Variants in RALGAPA2 observed in about 807,000 individuals in gnomAD.
RALGAPA2 encodes the protein ral GTPase-activating protein subunit alpha-2.
In RALGAPA2, 139 loss-of-function variants were observed where a neutral mutation model predicts 230.4. That is an observed-to-expected ratio of 0.60 (90% CI 0.53 to 0.69). The LOEUF is 0.69. RALGAPA2 is among the 30% of genes least tolerant of loss of function. RALGAPA2 has a pLI of 0.00. For missense variants in RALGAPA2, 2,163 were observed against 2,276.0 expected (o/e 0.95, Z 1.01); for synonymous variants, 847 against 837.8 (o/e 1.01, Z -0.19).
At chr20:20,659,576 C>G (rs1229415345) in intron 3 of RALGAPA2, 1 of 231,178 alleles carries the variant, frequency 4.3e-6, no homozygotes, top group East Asian at 1.0e-4. Flanking sequence ...AACACTGTGA[C>G]AGTGAGCTAT....
chr20:20,570,673 G>A (rs1199268392), intron 23 of RALGAPA2, among the ~76,000 whole-genome samples: 1 of 151,890 alleles, frequency 6.6e-6, no homozygotes, highest in Non-Finnish European at 1.5e-5. Flanking sequence ...CTTCCTAATT[G>A]TTCTCCATCT....
chr20:20,605,215 A>G lies in RALGAPA2; in HGVS notation c.1998T>C (p.Asp666=), dbSNP rs759442046. 1.2e-6 allele frequency: 2 copies of G among 1,613,416 alleles called. No homozygotes were observed. The highest frequency in any genetic ancestry group is 1.7e-6 in the Non-Finnish European group (2 of 1,179,588). ...TCTTTTCCTTTTGTTCACTTAATTT[A>G]TCCAGAGGTAGGTTTGTCATCTCAA... ...YGVEMTNLPL[D]KLSEQKEKKQ... is the part of the protein sequence containing the mutation. The change falls in exon 15 of 40, where the codon GAT becomes GAC. Residue 666 remains aspartate, a synonymous_variant. Coordinates refer to ENST00000202677, the MANE Select transcript of RALGAPA2 (RefSeq NM_020343.4).
At chr20:20,503,227 C>A in intron 35 of RALGAPA2, 124 bp downstream of exon 35, 1 of 979,780 alleles carries the variant, frequency 1.0e-6, no homozygotes. Context: ...AAACCTTAAT[C>A]TCAGGGTCGT....
Position 20,511,301 on chromosome 20 carries a change from T to G in RALGAPA2, c.4881A>C (p.Lys1627Asn). The G allele has an allele frequency of 6.4e-7, 1 of 1,563,062 alleles. No homozygotes were observed. The highest frequency in any genetic ancestry group is 2.3e-5 in the East Asian group (1 of 42,848). ...DRRKNFHLLK[K>N]NSKLLRELKN... ...TCAGCTCTCTCAATAATTTTGAATTTTTCTTCAATAGATGAAAATTCTTCC... is the reference window on the plus strand; with the variant it reads ...TCAGCTCTCTCAATAATTTTGAATTGTTCTTCAATAGATGAAAATTCTTCC... The change falls in exon 33 of 40, where the codon AAA becomes AAC. Residue 1627 changes from lysine to asparagine, a missense_variant. Transcript: ENST00000202677.
chr20:20,452,819 C>T (rs778498119), intron 37 of RALGAPA2, among the ~76,000 whole-genome samples: 10 of 152,302 alleles, frequency 6.6e-5, no homozygotes, highest in Middle Eastern at 3.4e-3. Flanking sequence ...CCAACAGATC[C>T]AACATGATTT....
At chr20:20,569,369 A>G (rs962816606) in intron 23 of RALGAPA2, among the ~76,000 whole-genome samples, 2 of 152,194 alleles carry the variant, frequency 1.3e-5, no homozygotes, top group Non-Finnish European at 2.9e-5. Flanking sequence ...AAACTCACAT[A>G]AAAATTCAAG....
chr20:20,702,331 T>C (rs1030385025), intron 1 of RALGAPA2, among the ~76,000 whole-genome samples: 6 of 152,144 alleles, frequency 3.9e-5, no homozygotes, highest in Non-Finnish European at 5.9e-5. Context: ...AAGAGATTTA[T>C]TGGGGTAAAT....
intron 35 of RALGAPA2, among the ~76,000 whole-genome samples, chr20:20,499,050 A>T (rs149565487): frequency 5.3e-5 from 8 of 152,348 alleles, no homozygotes; most frequent in African/African-American, 1.9e-4. Context: ...GAGAGCATGA[A>T]TCACTTTAGA....
intron 27 of RALGAPA2, 112 bp from the exon 28 acceptor site, chr20:20,526,474 T>C (rs1471273132): frequency 2.8e-5 from 19 of 684,330 alleles, no homozygotes; most frequent in Non-Finnish European, 4.5e-5. Context: ...TTTATCTGTT[T>C]TGCCTCAAAT....
chr20:20,544,401 C>T (rs1182656386), intron 24 of RALGAPA2, among the ~76,000 whole-genome samples: 1 of 151,232 alleles, frequency 6.6e-6, no homozygotes, highest in Non-Finnish European at 1.5e-5. Flanking sequence ...AATAGGAATG[C>T]TTTTACACTG....
chr20:20,658,706 G>A (rs1304344351), intron 3 of RALGAPA2, among the ~76,000 whole-genome samples: 1 of 152,210 alleles, frequency 6.6e-6, no homozygotes, highest in Non-Finnish European at 1.5e-5. Context: ...ATTATCCATA[G>A]TTCTTTTTTC....
chr20:20,474,668 C>T (rs1602480059), intron 36 of RALGAPA2, among the ~76,000 whole-genome samples: 1 of 152,134 alleles, frequency 6.6e-6, no homozygotes, highest in African/African-American at 2.4e-5. Flanking sequence ...AGGATGATGC[C>T]ACAGTTTCTG....
chr20:20,691,450 A>G (rs2068902819), intron 1 of RALGAPA2, among the ~76,000 whole-genome samples: 1 of 152,242 alleles, frequency 6.6e-6, no homozygotes, highest in African/African-American at 2.4e-5. Flanking sequence ...TACGGGATAC[A>G]AAGGATTTTT....
In RALGAPA2 at chr20:20,653,195, C is replaced by CAAAAAA. The variant is rs60906434; in HGVS notation, c.328+329_328+334dup. Among the ~76,000 whole-genome samples, 29 of 27,520 alleles carry CAAAAAA rather than the reference C, an allele frequency of 1.1e-3. 1 individual carries two copies. The highest frequency in any genetic ancestry group is 2.6e-3 in the East Asian group (2 of 758). The allele number at this position is 27,520 out of a possible 152,430, so 18.1% of individuals were successfully genotyped here. A position where few individuals can be genotyped will look rare whatever the true frequency, so the allele number is the denominator to read the frequency against. On this transcript the variant is annotated intron_variant, in intron 4 of 39. Transcript: ENST00000202677. The stretch of plus-strand genomic sequence containing the variant: ...TAGGCGACAGAGCAAGACTCCATCT[C>CAAAAAA]AAAAAAAAAAAAAAAAAAAAAAAAA...
intron 37 of RALGAPA2, among the ~76,000 whole-genome samples, chr20:20,423,432 G>A (rs1016188113): frequency 2.6e-5 from 4 of 152,338 alleles, no homozygotes; most frequent in Middle Eastern, 3.4e-3. Flanking sequence ...GATATGGAGG[G>A]AGCGGGAGAC....
chr20:20,565,862 T>C (rs562263996), intron 23 of RALGAPA2, among the ~76,000 whole-genome samples: 1 of 152,236 alleles, frequency 6.6e-6, no homozygotes, highest in African/African-American at 2.4e-5. Context: ...GAGCAGTTAC[T>C]GGCTGAGCCA....
In RALGAPA2 at chr20:20,552,352, C is replaced by A. The variant is rs2063950260; in HGVS notation, c.3157-5520G>T. ...GTCCCTCCACGAGGCCAGACACAATCATCAAGAAATAAAATCTGCATATGA... is the reference window on the plus strand; with the variant it reads ...GTCCCTCCACGAGGCCAGACACAATAATCAAGAAATAAAATCTGCATATGA... On this transcript the variant is annotated intron_variant, in intron 23 of 39. Transcript: ENST00000202677. Among the ~76,000 whole-genome samples, 2 of 152,328 alleles carry A rather than the reference C, an allele frequency of 1.3e-5. 1 individual carries two copies.
intron 3 of RALGAPA2, among the ~76,000 whole-genome samples, chr20:20,655,157 C>T (rs535408438): frequency 3.8e-4 from 58 of 152,224 alleles, no homozygotes; most frequent in Non-Finnish European, 7.6e-4. Context: ...CAAACACACC[C>T]ACATGCATTC....
chr20:20,671,488 T>C (rs112786555), intron 3 of RALGAPA2, among the ~76,000 whole-genome samples: 56 of 152,342 alleles, frequency 3.7e-4, no homozygotes, highest in African/African-American at 1.3e-3. Context: ...TTACAAGCTT[T>C]ACAGGGCACT....
Sources: gnomAD v4.1 joint callset for allele counts (sites outside exome capture counted in the v4.1 genomes callset) on GRCh38, gnomAD v4.1.1 for gene constraint, MANE v1.5 for transcripts, NCBI Gene and HGNC (gene_info 2026-07-23, HGNC 2026-07-21) for gene names.